Variants in GXYLT2 observed in about 807,000 individuals in gnomAD.
The protein encoded by GXYLT2 is glycosyltransferase 8 domain containing 4.
Under a neutral mutation model 45.8 loss-of-function variants are expected in GXYLT2, and 53 were observed. The observed-to-expected ratio is 1.16, with a 90% CI of 0.93 to 1.46. The LOEUF (loss-of-function observed/expected upper bound fraction) is 1.46. Among genes scored for constraint, GXYLT2 ranks in the 40% most tolerant of loss-of-function variants. GXYLT2 has a pLI of 0.00. For synonymous variants in GXYLT2, 219 were observed against 214.2 expected (o/e 1.02, Z -0.19); for missense variants, 551 against 544.4 (o/e 1.01, Z -0.12).
At chr3:72,906,950 C>T (rs1010606397) in intron 1 of GXYLT2, among the ~76,000 whole-genome samples, 2 of 152,122 alleles carry the variant, frequency 1.3e-5, no homozygotes. Context: ...ATAACACAAT[C>T]CTATTTGCAC....
chr3:72,919,979 A>T (rs1345444000), intron 2 of GXYLT2, among the ~76,000 whole-genome samples: 1 of 152,192 alleles, frequency 6.6e-6, no homozygotes. Flanking sequence ...ATCAGTTGTA[A>T]CAAATATACC....
intron 4 of GXYLT2, among the ~76,000 whole-genome samples, chr3:72,955,946 C>T (rs1710634588): frequency 1.3e-5 from 2 of 152,080 alleles, no homozygotes; most frequent in Non-Finnish European, 2.9e-5. Flanking sequence ...GGAATGATGG[C>T]GCACACCTGT....
At chr3:72,945,303 AAAAAT>A in intron 3 of GXYLT2, among the ~76,000 whole-genome samples, 1 of 151,250 alleles carries the variant, frequency 6.6e-6, no homozygotes, top group East Asian at 1.9e-4. Context: ...ATAAAAAAAT[AAAAAT>A]AAAATAAAAT....
intron 1 of GXYLT2, among the ~76,000 whole-genome samples, chr3:72,900,374 C>A (rs887164813): frequency 6.6e-6 from 1 of 152,050 alleles, no homozygotes; most frequent in Non-Finnish European, 1.5e-5. Flanking sequence ...ACAACTAGGG[C>A]AACGTTTTAC....
chr3:72,910,338 G>A (rs1340232598), intron 2 of GXYLT2, among the ~76,000 whole-genome samples: 1 of 152,002 alleles, frequency 6.6e-6, no homozygotes, highest in Non-Finnish European at 1.5e-5. Context: ...GGAATTAATC[G>A]ATATGCCATA....
intron 2 of GXYLT2, among the ~76,000 whole-genome samples, chr3:72,910,529 G>T (rs992707264): frequency 3.3e-5 from 5 of 152,172 alleles, no homozygotes; most frequent in African/African-American, 1.2e-4. Flanking sequence ...GGTCAGGTCA[G>T]GCTTCAGTAA....
chr3:72,905,357 G>T (rs564396647), intron 1 of GXYLT2, among the ~76,000 whole-genome samples: 1 of 152,198 alleles, frequency 6.6e-6, no homozygotes, highest in Admixed American at 6.5e-5. Flanking sequence ...ACCTCAAGTG[G>T]TCTGCCCGCC....
At chr3:72,933,223 C>A (rs1191062166) in intron 3 of GXYLT2, among the ~76,000 whole-genome samples, 2 of 152,002 alleles carry the variant, frequency 1.3e-5, no homozygotes, top group East Asian at 3.8e-4. Context: ...TTTTTTGACC[C>A]AGTCGGCCAA....
chr3:72,972,647 A>AG (rs1399326287), intron 6 of GXYLT2, among the ~76,000 whole-genome samples: 1 of 150,278 alleles, frequency 6.7e-6, no homozygotes, highest in African/African-American at 2.5e-5. Context: ...TCTCGGAAAA[A>AG]AAAAAAAAAA....
chr3:72,954,447 A>T (rs551709157), intron 3 of GXYLT2, among the ~76,000 whole-genome samples: 1 of 117,946 alleles, frequency 8.5e-6, no homozygotes, highest in Non-Finnish European at 1.6e-5. Context: ...TTGTATTTAT[A>T]TATATTTATA....
chr3:72,961,713 A>C (rs1710774894), intron 5 of GXYLT2, among the ~76,000 whole-genome samples: 1 of 150,100 alleles, frequency 6.7e-6, no homozygotes, highest in South Asian at 2.1e-4. Context: ...GCTGCGACTG[A>C]ATTCTCTTTA....
At chr3:72,931,236 A>AT (rs200320280) in intron 3 of GXYLT2, among the ~76,000 whole-genome samples, 16,295 of 149,312 alleles carry the variant, frequency 0.11, 1,117 homozygotes, top group East Asian at 0.28. Context: ...TTTATTTTCT[A>AT]TTTTTTTTTT....
rs2107048294 is a variant in GXYLT2 at position 72,888,137 on chromosome 3, A to C, written c.-97A>C. The C allele has an allele frequency of 3.8e-6, 3 of 790,620 alleles. 1 individual carries two copies. The highest frequency in any genetic ancestry group is 1.1e-4 in the South Asian group (2 of 17,852). 49.0% of individuals were successfully genotyped at this position (790,620 alleles called of 1,614,324 possible). On this transcript the variant is annotated 5_prime_UTR_variant, in exon 1 of 7. Coordinates refer to ENST00000389617, the MANE Select transcript of GXYLT2 (RefSeq NM_001080393.2). The stretch of plus-strand genomic sequence containing the variant: ...CCAGTCCCCGGCGGGCGGGCGGAGG[A>C]GGCGACCGCCGCGCGCTGCTGCACT...
chr3:72,970,021 T>C (rs1710956926), intron 6 of GXYLT2, among the ~76,000 whole-genome samples: 1 of 149,204 alleles, frequency 6.7e-6, no homozygotes, highest in Non-Finnish European at 1.5e-5. Flanking sequence ...GAGTTTGAGG[T>C]CAGCGCAGCC....
chr3:72,901,651 C>T (rs1709411157), intron 1 of GXYLT2, among the ~76,000 whole-genome samples: 2 of 144,506 alleles, frequency 1.4e-5, no homozygotes, highest in Non-Finnish European at 1.5e-5. Context: ...AGCTCCGCCT[C>T]CTGGGTTCAA....
intron 2 of GXYLT2, among the ~76,000 whole-genome samples, chr3:72,917,196 C>T (rs1709758740): frequency 6.6e-6 from 1 of 152,134 alleles, no homozygotes. Context: ...GCCCCAACCT[C>T]TCAGACTGTT....
intron 3 of GXYLT2, among the ~76,000 whole-genome samples, chr3:72,938,010 G>A (rs1710223351): frequency 6.6e-6 from 1 of 152,186 alleles, no homozygotes; most frequent in Non-Finnish European, 1.5e-5. Context: ...TACAGTCCCA[G>A]CATTTTGGGA....
intron 2 of GXYLT2, among the ~76,000 whole-genome samples, chr3:72,915,307 A>T (rs534872906): frequency 3.4e-3 from 413 of 122,092 alleles, no homozygotes; most frequent in African/African-American, 0.012. Flanking sequence ...CTTTTAGAGG[A>T]CGGGGACCAT....
At chr3:72,933,446 T>C (rs1438571512) in intron 3 of GXYLT2, among the ~76,000 whole-genome samples, 1 of 152,224 alleles carries the variant, frequency 6.6e-6, no homozygotes, top group Non-Finnish European at 1.5e-5. Flanking sequence ...AAGCCTAGTG[T>C]AAGAATCACA....
Sources: gnomAD v4.1 joint callset for allele counts (sites outside exome capture counted in the v4.1 genomes callset) on GRCh38, gnomAD v4.1.1 for gene constraint, MANE v1.5 for transcripts, NCBI Gene and HGNC (gene_info 2026-07-23, HGNC 2026-07-21) for gene names.